Variants in NKD2 observed in about 807,000 individuals in gnomAD.
The protein encoded by NKD2 is NKD inhibitor of Wnt signaling pathway 2.
Under a neutral mutation model 34.8 loss-of-function variants are expected in NKD2, and 43 were observed. That is an observed-to-expected ratio of 1.24 (90% CI 0.97 to 1.60). The LOEUF is 1.60. Among genes scored for constraint, NKD2 ranks in the 40% most tolerant of loss-of-function variants. The probability of loss-of-function intolerance (pLI) is 0.00; values close to 1 mark genes in which losing one functional copy is unlikely to be tolerated. For missense variants in NKD2, 675 were observed against 627.1 expected (o/e 1.08, Z -0.82); for synonymous variants, 278 against 265.1 (o/e 1.05, Z -0.47).
At chr5:1,028,681 C>T (rs1399581002) in intron 3 of NKD2, among the ~76,000 whole-genome samples, 1 of 151,982 alleles carries the variant, frequency 6.6e-6, no homozygotes, top group Non-Finnish European at 1.5e-5. Context: ...AGAGGAGGCG[C>T]CTAGGCACCC....
chr5:1,021,798 G>C (rs541241191), intron 3 of NKD2, among the ~76,000 whole-genome samples: 282 of 152,170 alleles, frequency 1.9e-3, no homozygotes, highest in African/African-American at 5.8e-3. Context: ...CCCTCCCATG[G>C]TGACATTTTG....
In NKD2 at chr5:1,037,841, G is replaced by T; in HGVS notation, c.824G>T (p.Gly275Val). Residue 275 changes from glycine to valine, a missense_variant, in exon 10 of 10, where the codon GGC (glycine) becomes GTC (valine). By Grantham distance (109) the Gly-to-Val change is moderately radical. Coordinates refer to ENST00000296849, the MANE Select transcript of NKD2 (RefSeq NM_033120.4). ...GTGCAAGCAAAGCAGGAGCCCCAGG[G>T]CAGGGCCTCGCACCTCCAGGCCCGG... ...PPVQAKQEPQ[G>V]RASHLQARSR... 1.3e-6 allele frequency: 2 copies of T among 1,590,778 alleles called. No individual in the cohort carries two copies. Among genetic ancestry groups the T allele is most frequent in the Non-Finnish European group, 8.5e-7 (1 of 1,172,254 alleles).
chr5:1,034,214 G>A (rs749657280), intron 5 of NKD2, 21 bp from the exon 6 acceptor site: 25 of 1,594,760 alleles, frequency 1.6e-5, no homozygotes, highest in Middle Eastern at 1.7e-4. Flanking sequence ...GCGAGGTCCC[G>A]GCCCCCACGT....
Position 1,009,105 on chromosome 5 carries a change from G to T in NKD2, c.25+23G>T. On this transcript the variant is annotated intron_variant, in intron 1 of 9. Transcript: ENST00000296849. This position sits in a 1 kb window ranked among gnomAD's most constrained non-coding sequence, Gnocchi z 6.9. ...ACGGTGAGCCGCGGGCCGGTAGGGCGGGAGGGCGGGCGGGCGGGCGTGGGG... is the reference window on the plus strand; with the variant it reads ...ACGGTGAGCCGCGGGCCGGTAGGGCTGGAGGGCGGGCGGGCGGGCGTGGGG... 2.1e-6 allele frequency: 1 copy of T among 465,396 alleles called. No homozygotes were observed. The highest frequency in any genetic ancestry group is 3.5e-5 in the South Asian group (1 of 28,310). 28.8% of individuals were successfully genotyped at this position (465,396 alleles called of 1,614,324 possible).
intron 3 of NKD2, among the ~76,000 whole-genome samples, chr5:1,031,308 C>T (rs1243056573): frequency 1.3e-5 from 2 of 152,170 alleles, no homozygotes; most frequent in African/African-American, 4.8e-5. Flanking sequence ...CCCACGGAGA[C>T]ACCAACTCGG....
intron 3 of NKD2, among the ~76,000 whole-genome samples, chr5:1,021,310 CCCGG>C: frequency 6.8e-6 from 1 of 147,010 alleles, no homozygotes; most frequent in Non-Finnish European, 1.5e-5. Flanking sequence ...GCCCGGTCCC[CCCGG>C]CCCCCCACCT....
intron 3 of NKD2, among the ~76,000 whole-genome samples, chr5:1,018,442 A>C (rs184028307): frequency 6.6e-6 from 1 of 152,380 alleles, no homozygotes; most frequent in East Asian, 1.9e-4. Context: ...TCTGTAAAAC[A>C]AAGCGGACAT....
chr5:1,009,395 G>A lies in NKD2; in HGVS notation c.62-86G>A. 2 of 1,196,698 alleles carry A rather than the reference G, an allele frequency of 1.7e-6. No homozygotes were observed. Among genetic ancestry groups the A allele is most frequent in the Non-Finnish European group, 2.3e-6 (2 of 872,212 alleles). The allele number at this position is 1,196,698 out of a possible 1,614,324, so 74.1% of individuals were successfully genotyped here. On this transcript the variant is annotated intron_variant, in intron 2 of 9. Coordinates refer to ENST00000296849, the MANE Select transcript of NKD2 (RefSeq NM_033120.4). The surrounding 1 kb of genome is among the most constrained non-coding windows in gnomAD (Gnocchi z 6.9). The stretch of plus-strand genomic sequence containing the variant: ...GCGGTCTCCAGGCGATGGGGACACA[G>A]CGAAGGCGCAGCGCCCGCGGGGCTC...
rs1472526293 is a variant in NKD2 at position 1,033,379 on chromosome 5, C to G, written c.210C>G (p.Leu70=). The change falls in exon 5 of 10, where the codon CTC becomes CTG. Residue 70 remains leucine (L), a synonymous_variant. Transcript: ENST00000296849. Reference sequence around the variant, plus strand: ...CTCCTCTTGTCCCCCTAGTGGCACTCCCCGCTGAGAAAGCTGAGGGCCGCG... The same window carrying G: ...CTCCTCTTGTCCCCCTAGTGGCACTGCCCGCTGAGAAAGCTGAGGGCCGCG... The part of the protein sequence containing the change: ...REDQCPLQVA[L]PAEKAEGREH... The G allele has an allele frequency of 1.3e-6, 2 of 1,598,506 alleles. No homozygotes were observed. The highest frequency in any genetic ancestry group is 1.7e-5 in the Admixed American group (1 of 58,902).
intron 3 of NKD2, among the ~76,000 whole-genome samples, chr5:1,031,566 C>T (rs997400488): frequency 8.9e-6 from 1 of 112,550 alleles, no homozygotes; most frequent in South Asian, 3.0e-4. Context: ...GCCCTGACCA[C>T]AGGTCTGTCT....
intron 3 of NKD2, among the ~76,000 whole-genome samples, chr5:1,021,628 C>T (rs1163526595): frequency 2.0e-5 from 3 of 151,862 alleles, no homozygotes; most frequent in South Asian, 2.1e-4. Flanking sequence ...CCATTGAAAC[C>T]GAGACTTTGA....
rs758705093 is a variant in NKD2 at position 1,033,351 on chromosome 5, C to T, written c.203-21C>T. On this transcript the variant is annotated intron_variant, in intron 4 of 9. Transcript: ENST00000296849. ...TCCATGTGCCCTCTGCCAGCCCCTT[C>T]GCCTCCTCTTGTCCCCCTAGTGGCA... is the stretch of plus-strand genomic sequence containing the variant. The T allele has an allele frequency of 3.5e-5, 55 of 1,582,840 alleles. No individual in the cohort carries two copies. In the Middle Eastern group the frequency reaches 5.0e-4, roughly 14 times the overall value.
At chr5:1,012,635 A>G (rs1278489597) in intron 3 of NKD2, among the ~76,000 whole-genome samples, 1 of 152,240 alleles carries the variant, frequency 6.6e-6, no homozygotes, top group Non-Finnish European at 1.5e-5. Context: ...ATCTGCCCTC[A>G]GCATGGCCTT....
intron 3 of NKD2, among the ~76,000 whole-genome samples, chr5:1,018,145 C>G (rs1378435501): frequency 6.6e-6 from 1 of 152,140 alleles, no homozygotes; most frequent in Non-Finnish European, 1.5e-5. Flanking sequence ...ATGGCGGCCC[C>G]CACCCATCTC....
At chr5:1,019,500 T>C (rs890218799) in intron 3 of NKD2, among the ~76,000 whole-genome samples, 6 of 152,148 alleles carry the variant, frequency 3.9e-5, no homozygotes, top group African/African-American at 1.4e-4. Context: ...CACTGGGCCC[T>C]CCTTTCATCT....
chr5:1,035,041 T>G, intron 7 of NKD2, 138 bp downstream of exon 7: 1 of 776,438 alleles, frequency 1.3e-6, no homozygotes, highest in Non-Finnish European at 2.1e-6. Context: ...AGTGAATGAG[T>G]AAGTGGGTGA....
chr5:1,032,783 G>A (rs770431020), intron 4 of NKD2, among the ~76,000 whole-genome samples: 2 of 152,252 alleles, frequency 1.3e-5, no homozygotes, highest in Non-Finnish European at 2.9e-5. Flanking sequence ...TCCCAGCTCA[G>A]GCTCGACGTG....
Position 1,009,690 on chromosome 5 carries a change from G to T in NKD2, c.141+130G>T. ...GGCCGCCATGGCCGCACGAGTGACC[G>T]GGGGCCAGGAGAGCCAGTCTCTCCC... On this transcript the variant is annotated intron_variant, in intron 3 of 9. Transcript: ENST00000296849. This position sits in a 1 kb window ranked among gnomAD's most constrained non-coding sequence, Gnocchi z 6.9. 1 of 686,856 alleles carries T rather than the reference G, an allele frequency of 1.5e-6. No homozygotes were observed. The highest frequency in any genetic ancestry group is 2.5e-5 in the South Asian group (1 of 40,022). 42.5% of individuals were successfully genotyped at this position (686,856 alleles called of 1,614,324 possible). A position where few individuals can be genotyped will look rare whatever the true frequency, so the allele number is the denominator to read the frequency against.
chr5:1,020,637 A>G (rs1756138569), intron 3 of NKD2, among the ~76,000 whole-genome samples: 1 of 151,010 alleles, frequency 6.6e-6, no homozygotes, highest in Non-Finnish European at 1.5e-5. Context: ...CCTGGTCAAA[A>G]AGCCAGGTCT....
Sources: allele counts gnomAD v4.1 joint callset (sites outside exome capture counted in the v4.1 genomes callset), GRCh38; gene constraint gnomAD v4.1.1; non-coding constraint Gnocchi (gnomAD v3.1); transcripts MANE v1.5; gene names NCBI Gene and HGNC (gene_info 2026-07-23, HGNC 2026-07-21).